Variants in PCDHA1 observed in about 807,000 individuals in gnomAD.
The protein encoded by PCDHA1 is protocadherin alpha-1.
In PCDHA1, 42 loss-of-function variants were observed where a neutral mutation model predicts 61.3. The observed-to-expected ratio is 0.69, with a 90% CI of 0.54 to 0.89. The LOEUF (loss-of-function observed/expected upper bound fraction) is 0.89, where lower values mean the gene tolerates loss of function less well. PCDHA1 is among the 40% of genes least tolerant of loss of function. The probability of loss-of-function intolerance (pLI) is 0.00; values close to 1 mark genes in which losing one functional copy is unlikely to be tolerated. For missense variants in PCDHA1, 1,256 were observed against 1,235.3 expected, an observed-to-expected ratio of 1.02 and a Z score of -0.25; for synonymous variants, 610 against 553.8, an observed-to-expected ratio of 1.10 and a Z score of -1.43.
At chr5:140,849,834 G>C in intron 1 of PCDHA1, 1 of 1,598,606 alleles carries the variant, frequency 6.3e-7, no homozygotes, top group South Asian at 1.1e-5. Flanking sequence ...GGAGGTGGCC[G>C]ACGTGAACGA....
chr5:140,882,189 T>A, intron 1 of PCDHA1: 6 of 1,519,304 alleles, frequency 3.9e-6, no homozygotes, highest in Non-Finnish European at 5.3e-6. Context: ...TAGGAAGCCA[T>A]AAAAATTGGG....
At chr5:140,856,540 C>T (rs1554148838) in intron 1 of PCDHA1, 1 of 1,598,278 alleles carries the variant, frequency 6.3e-7, no homozygotes, top group Non-Finnish European at 8.6e-7. Context: ...TTGGAGAGAA[C>T]GCATTGCTTA....
intron 1 of PCDHA1, among the ~76,000 whole-genome samples, chr5:140,942,875 C>A (rs1003014974): frequency 2.0e-5 from 3 of 151,896 alleles, no homozygotes; most frequent in African/African-American, 7.3e-5. Flanking sequence ...AGCATGACAA[C>A]TTTTTTCCTA....
intron 1 of PCDHA1, chr5:140,835,708 C>T (rs182652510): frequency 1.8e-5 from 29 of 1,613,660 alleles, no homozygotes; most frequent in Middle Eastern, 1.7e-4. Context: ...GCTAGCGTGT[C>T]CGTGGAGGTG....
At chr5:140,801,123 G>A (rs1381463833) in intron 1 of PCDHA1, 3 of 1,517,646 alleles carry the variant, frequency 2.0e-6, no homozygotes, top group Non-Finnish European at 2.6e-6. Context: ...TTTAAGAAAT[G>A]AAGATAAGGA....
chr5:140,888,322 C>T (rs983342995), intron 1 of PCDHA1, among the ~76,000 whole-genome samples: 23 of 152,148 alleles, frequency 1.5e-4, no homozygotes, highest in African/African-American at 5.6e-4. Context: ...TGCCTGGATA[C>T]ATTTTTGGTT....
chr5:140,846,687 T>C (rs1554141460), intron 1 of PCDHA1, among the ~76,000 whole-genome samples: 1 of 149,376 alleles, frequency 6.7e-6, no homozygotes, highest in East Asian at 1.9e-4. Context: ...AATGCTTTCT[T>C]AGCAAGTAGA....
intron 3 of PCDHA1, among the ~76,000 whole-genome samples, chr5:140,999,659 G>A (rs1208907437): frequency 6.6e-6 from 1 of 152,162 alleles, no homozygotes; most frequent in African/African-American, 2.4e-5. Context: ...GAGCCCTGCT[G>A]GGTTGCGGGG....
In PCDHA1 at chr5:140,835,672, G is replaced by A. The variant is rs2150241563; in HGVS notation, c.2394+46988G>A. On this transcript the variant is annotated intron_variant, in intron 1 of 3. Coordinates refer to ENST00000504120, the MANE Select transcript of PCDHA1 (RefSeq NM_018900.4). The stretch of plus-strand genomic sequence containing the variant: ...GAGCTGGTGGTTACCGCGCGGGACG[G>A]GGGCTCGCCTTCTCTGTGGGCCACT... 1.9e-6 allele frequency: 3 copies of A among 1,613,926 alleles called. No individual in the cohort carries two copies. The South Asian group carries it at 3.3e-5, about 18-fold the overall frequency.
rs141975967 is a variant in PCDHA1, at chr5:140,824,104, C to G, written c.2394+35420C>G. The G allele has an allele frequency of 8.2e-5, 132 of 1,614,008 alleles. No homozygotes were observed. Among genetic ancestry groups the G allele is most frequent in the African/African-American group, 2.1e-4 (16 of 74,940 alleles). ...CATGGCCTTCAGTCCAAGCCTTCCTCAGGGTCCCACCTCTACAGACAACGT... is the reference window on the plus strand; with the variant it reads ...CATGGCCTTCAGTCCAAGCCTTCCTGAGGGTCCCACCTCTACAGACAACGT... On this transcript the variant is annotated intron_variant, in intron 1 of 3. Transcript: ENST00000504120.
At chr5:140,955,623 T>C (rs2095210763) in intron 1 of PCDHA1, among the ~76,000 whole-genome samples, 1 of 152,208 alleles carries the variant, frequency 6.6e-6, no homozygotes, top group Non-Finnish European at 1.5e-5. Context: ...GGCAGTTCTT[T>C]ATAGCAGTGT....
intron 1 of PCDHA1, chr5:140,809,446 G>A (rs782146620): frequency 1.2e-6 from 2 of 1,614,258 alleles, no homozygotes; most frequent in Admixed American, 3.3e-5. Context: ...ACTCGCAGCA[G>A]AGGAGGCCGA....
rs1778917220 is a variant in PCDHA1 at position 140,843,490 on chromosome 5, C to T, written c.2394+54806C>T. 14 of 1,596,024 alleles carry T rather than the reference C, an allele frequency of 8.8e-6. 1 individual carries two copies. The highest frequency in any genetic ancestry group is 2.2e-5 in the East Asian group (1 of 44,822). On this transcript the variant is annotated intron_variant, in intron 1 of 3. Coordinates refer to ENST00000504120, the MANE Select transcript of PCDHA1 (RefSeq NM_018900.4). ...TGCTGCTGTACACTGCGCTGCGGTG[C>T]TCAGCACTGCCCACTGAGGGCGGGT...
At chr5:140,964,584 A>G (rs1347418719) in intron 1 of PCDHA1, among the ~76,000 whole-genome samples, 2 of 152,132 alleles carry the variant, frequency 1.3e-5, no homozygotes, top group African/African-American at 4.8e-5. Context: ...GGGAGGAAAG[A>G]TCACTTTTCA....
intron 1 of PCDHA1, among the ~76,000 whole-genome samples, chr5:140,896,320 C>G (rs1583228292): frequency 6.6e-6 from 1 of 152,182 alleles, no homozygotes; most frequent in Non-Finnish European, 1.5e-5. Context: ...CTGCTTTCCA[C>G]AGTGGCTAAA....
intron 1 of PCDHA1, chr5:140,802,187 G>A (rs782510527): frequency 5.0e-6 from 8 of 1,614,106 alleles, no homozygotes; most frequent in African/African-American, 4.0e-5. Context: ...ATCCCCCAAT[G>A]TCAGATCACT....
intron 1 of PCDHA1, chr5:140,857,107 T>C (rs1206126233): frequency 6.3e-7 from 1 of 1,597,628 alleles, no homozygotes; most frequent in Non-Finnish European, 8.6e-7. Flanking sequence ...TTGTCACTTC[T>C]CTGTCTCTCC....
rs143580970 is a variant in PCDHA1, at chr5:140,976,476, G to A, written c.2395-2473G>A. ...TGGGGAAGAAGAATTGCTTGAATCC[G>A]GGAGGCAGAGGTTGCAGGGAGCCAA... On this transcript the variant is annotated intron_variant, in intron 1 of 3. Transcript: ENST00000504120. 8.2e-3 allele frequency among the ~76,000 whole-genome samples: 1,253 copies of A among 152,132 alleles called. 22 individuals carry two copies. The highest frequency in any genetic ancestry group is 0.028 in the African/African-American group (1,179 of 41,504).
At chr5:140,970,247 C>T (rs551216649) in intron 1 of PCDHA1, among the ~76,000 whole-genome samples, 1 of 152,290 alleles carries the variant, frequency 6.6e-6, no homozygotes, top group East Asian at 1.9e-4. Context: ...TTTCTGTTGA[C>T]AGTTTCTATG....
Sources: allele counts gnomAD v4.1 joint callset (sites outside exome capture counted in the v4.1 genomes callset), GRCh38; gene constraint gnomAD v4.1.1; transcripts MANE v1.5; gene names NCBI Gene and HGNC (gene_info 2026-07-23, HGNC 2026-07-21).